Variants in ACOXL observed in about 807,000 individuals in gnomAD.
ACOXL encodes acyl-coenzyme A oxidase-like protein.
A neutral mutation model predicts 71.9 loss-of-function variants in ACOXL; 70 were observed. That is an observed-to-expected ratio of 0.97 (90% CI 0.80 to 1.19). ACOXL has a LOEUF of 1.19. Ranked by LOEUF, ACOXL falls within the 50% of genes most tolerant of loss-of-function variation. The pLI, the probability that ACOXL is intolerant of heterozygous loss-of-function variation, is 0.00. For missense variants in ACOXL, 703 were observed against 736.3 expected, an observed-to-expected ratio of 0.95 and a Z score of 0.52; for synonymous variants, 253 against 281.6, an observed-to-expected ratio of 0.90 and a Z score of 1.02.
intron 10 of ACOXL, among the ~76,000 whole-genome samples, chr2:110,859,963 G>A (rs1693745227): frequency 6.6e-6 from 1 of 152,144 alleles, no homozygotes; most frequent in Admixed American, 6.5e-5. Context: ...AGTAACCTCA[G>A]CCCGGTTCTC....
chr2:110,962,203 A>G (rs1436811136), intron 12 of ACOXL, among the ~76,000 whole-genome samples: 1 of 152,242 alleles, frequency 6.6e-6, no homozygotes. Flanking sequence ...CCAGCACAGT[A>G]TCTAGCATAG....
At chr2:110,949,919 A>C (rs2061259303) in intron 12 of ACOXL, among the ~76,000 whole-genome samples, 1 of 152,150 alleles carries the variant, frequency 6.6e-6, no homozygotes, top group Non-Finnish European at 1.5e-5. Context: ...CTTTTTTGGC[A>C]GGTGATAACT....
chr2:111,047,894 A>G (rs2066093747), intron 15 of ACOXL, among the ~76,000 whole-genome samples: 1 of 152,262 alleles, frequency 6.6e-6, no homozygotes, highest in Non-Finnish European at 1.5e-5. Flanking sequence ...AGAAATAATC[A>G]GCACCAGATA....
At chr2:110,852,847 G>C (rs190390374) in intron 10 of ACOXL, among the ~76,000 whole-genome samples, 2 of 152,152 alleles carry the variant, frequency 1.3e-5, no homozygotes, top group African/African-American at 4.8e-5. Flanking sequence ...GCCATTCCCT[G>C]GTCTTTCATG....
intron 10 of ACOXL, among the ~76,000 whole-genome samples, chr2:110,862,480 A>G (rs960095833): frequency 6.6e-6 from 1 of 152,188 alleles, no homozygotes; most frequent in Non-Finnish European, 1.5e-5. Flanking sequence ...ACAATAATAA[A>G]AAAATTAAAA....
chr2:110,861,228 C>G (rs1268136150), intron 10 of ACOXL, among the ~76,000 whole-genome samples: 1 of 152,168 alleles, frequency 6.6e-6, no homozygotes, highest in East Asian at 1.9e-4. Context: ...ACTCATCAGG[C>G]ATTTTCAGAA....
Position 110,931,896 on chromosome 2 carries a change from G to A in ACOXL, c.906-1593G>A, listed in dbSNP as rs191826909. On this transcript the variant is annotated intron_variant, in intron 11 of 17. Transcript: ENST00000439055. ...TTACAAAGCCTGAAATGCATCTACC[G>A]TATGACTGAGCCATTTCACTTCAAT... Among the ~76,000 whole-genome samples the A allele has an allele frequency of 7.1e-4, 108 of 152,246 alleles. 1 individual carries two copies. Among genetic ancestry groups the A allele is most frequent in the Admixed American group, 1.7e-3 (26 of 15,292 alleles).
chr2:111,051,050 T>A (rs1462438893), intron 16 of ACOXL, among the ~76,000 whole-genome samples: 1 of 152,212 alleles, frequency 6.6e-6, no homozygotes, highest in Non-Finnish European at 1.5e-5. Context: ...TACCTGTTGG[T>A]TTCTGCAGAC....
chr2:110,951,152 C>G (rs564970551), intron 12 of ACOXL, among the ~76,000 whole-genome samples: 2 of 152,136 alleles, frequency 1.3e-5, no homozygotes, highest in Non-Finnish European at 2.9e-5. Context: ...CAGCGGACGT[C>G]CCATCTCTGT....
At chr2:111,037,162 C>A (rs531735699) in intron 15 of ACOXL, among the ~76,000 whole-genome samples, 3 of 152,136 alleles carry the variant, frequency 2.0e-5, no homozygotes, top group Non-Finnish European at 2.9e-5. Flanking sequence ...GGTTCCCTCC[C>A]CAAGCTTCTC....
At chr2:110,988,857 TTG>T (rs70958753) in intron 13 of ACOXL, among the ~76,000 whole-genome samples, 2,265 of 143,446 alleles carry the variant, frequency 0.016, 30 homozygotes, top group African/African-American at 0.025. Context: ...CCTATTTTTA[TTG>T]TGTGTGTGTG....
chr2:110,927,995 C>G (rs2060341087), intron 11 of ACOXL, among the ~76,000 whole-genome samples: 1 of 152,088 alleles, frequency 6.6e-6, no homozygotes, highest in African/African-American at 2.4e-5. Context: ...TTTAAAAAAT[C>G]AATATTTGCA....
intron 11 of ACOXL, among the ~76,000 whole-genome samples, chr2:110,910,506 T>G (rs1406084154): frequency 6.6e-6 from 1 of 152,208 alleles, no homozygotes; most frequent in Non-Finnish European, 1.5e-5. Context: ...GTAAATGTAT[T>G]TTTAACTTTA....
intron 12 of ACOXL, among the ~76,000 whole-genome samples, chr2:110,942,390 C>T (rs2060898370): frequency 6.6e-6 from 1 of 152,120 alleles, no homozygotes; most frequent in South Asian, 2.1e-4. Flanking sequence ...CATGTTAATG[C>T]TAGTCAAAAC....
At chr2:110,838,274 C>T (rs1178422374) in intron 9 of ACOXL, among the ~76,000 whole-genome samples, 1 of 152,062 alleles carries the variant, frequency 6.6e-6, no homozygotes, top group Non-Finnish European at 1.5e-5. Context: ...GTGTGTGTGC[C>T]TGCATGTGTG....
At chr2:111,061,979 T>G (rs2066840761) in intron 16 of ACOXL, among the ~76,000 whole-genome samples, 1 of 151,824 alleles carries the variant, frequency 6.6e-6, no homozygotes, top group Non-Finnish European at 1.5e-5. Context: ...AAAGACAGTC[T>G]GAAACTTAAT....
At chr2:110,832,274 C>T (rs1168526827) in intron 9 of ACOXL, among the ~76,000 whole-genome samples, 1 of 152,130 alleles carries the variant, frequency 6.6e-6, no homozygotes, top group African/African-American at 2.4e-5. Context: ...CGCGGTGGCT[C>T]ACGCCTGTAA....
At chr2:110,993,561 C>T (rs1483531) in intron 13 of ACOXL, among the ~76,000 whole-genome samples, 126,590 of 152,226 alleles carry the variant, frequency 0.83, 53,097 homozygotes, top group Middle Eastern at 0.94. Context: ...TTTGCTGTTT[C>T]TCACTTCTGT....
At chr2:110,972,052 A>G (rs969840897) in intron 12 of ACOXL, among the ~76,000 whole-genome samples, 10 of 152,218 alleles carry the variant, frequency 6.6e-5, no homozygotes, top group African/African-American at 2.2e-4. Context: ...CACAATTTCT[A>G]AATGTGAACT....
Sources: allele counts gnomAD v4.1 joint callset (sites outside exome capture counted in the v4.1 genomes callset), GRCh38; gene constraint gnomAD v4.1.1; transcripts MANE v1.5; gene names NCBI Gene and HGNC (gene_info 2026-07-23, HGNC 2026-07-21).